The following NCAM2 variants were observed in gnomAD, a reference collection of about 807,000 sequenced individuals.
NCAM2 encodes the protein neural cell adhesion molecule 2.
NCAM2 carries 30 observed loss-of-function variants against 98.1 expected under a neutral mutation model. The observed-to-expected ratio is 0.31, with a 90% CI of 0.23 to 0.41. The LOEUF is 0.41. Ranked by LOEUF, NCAM2 falls within the 10% of genes least tolerant of loss-of-function variation. The probability of loss-of-function intolerance (pLI) is 1.00; values close to 1 mark genes in which losing one functional copy is unlikely to be tolerated. For synonymous variants in NCAM2, 368 were observed against 342.4 expected (o/e 1.07, Z -0.83); for missense variants, 867 against 1,005.8 (o/e 0.86, Z 1.87).
At chr21:21,118,023 T>A (rs2066598732) in intron 1 of NCAM2, among the ~76,000 whole-genome samples, 1 of 152,200 alleles carries the variant, frequency 6.6e-6, no homozygotes, top group African/African-American at 2.4e-5. Context: ...GGATAACTTT[T>A]CAAATCCTAA....
At chr21:21,172,913 ATTTT>A (rs977299179) in intron 1 of NCAM2, among the ~76,000 whole-genome samples, 6 of 152,112 alleles carry the variant, frequency 3.9e-5, no homozygotes, top group African/African-American at 1.4e-4. Flanking sequence ...AAAATAAAAT[ATTTT>A]TGTTTATTTC....
intron 8 of NCAM2, 100 bp downstream of exon 8, chr21:21,338,634 T>G (rs2074943956): frequency 4.1e-6 from 5 of 1,212,976 alleles, no homozygotes; most frequent in Admixed American, 3.2e-5. Flanking sequence ...CCTAGTAACT[T>G]GTAGGATCAA....
At chr21:21,112,904 G>A (rs1250044643) in intron 1 of NCAM2, among the ~76,000 whole-genome samples, 2 of 152,168 alleles carry the variant, frequency 1.3e-5, no homozygotes, top group African/African-American at 4.8e-5. Flanking sequence ...CGTAGGATTG[G>A]TAAGAATGGG....
At chr21:21,041,169 C>T (rs1226685987) in intron 1 of NCAM2, among the ~76,000 whole-genome samples, 2 of 152,086 alleles carry the variant, frequency 1.3e-5, no homozygotes, top group Non-Finnish European at 2.9e-5. Context: ...GGTAAATTCA[C>T]ATTTACAAAG....
intron 1 of NCAM2, among the ~76,000 whole-genome samples, chr21:21,224,912 G>A (rs765577390): frequency 8.7e-4 from 133 of 152,188 alleles, no homozygotes; most frequent in Non-Finnish European, 5.1e-4. Flanking sequence ...TATTAGAATG[G>A]CATGTATGAA....
At chr21:21,015,640 T>C (rs2064292295) in intron 1 of NCAM2, among the ~76,000 whole-genome samples, 1 of 152,188 alleles carries the variant, frequency 6.6e-6, no homozygotes, top group Admixed American at 6.5e-5. Flanking sequence ...TGCTTTATTG[T>C]ATTCTGGACT....
At chr21:21,506,118 G>T (rs556768245) in intron 15 of NCAM2, among the ~76,000 whole-genome samples, 11 of 152,146 alleles carry the variant, frequency 7.2e-5, no homozygotes, top group Non-Finnish European at 1.5e-4. Flanking sequence ...AGGATTTATT[G>T]CCTAGAACTA....
At chr21:21,373,067 A>G (rs1487911601) in intron 8 of NCAM2, among the ~76,000 whole-genome samples, 1 of 151,864 alleles carries the variant, frequency 6.6e-6, no homozygotes, top group African/African-American at 2.4e-5. Context: ...CTCATAGTAA[A>G]TAATAGCTGA....
At chr21:21,216,180 G>A (rs1442546539) in intron 1 of NCAM2, among the ~76,000 whole-genome samples, 1 of 152,112 alleles carries the variant, frequency 6.6e-6, no homozygotes, top group Non-Finnish European at 1.5e-5. Context: ...TGGGCAACAG[G>A]AAAATATCAG....
chr21:21,469,333 G>A (rs900586599), intron 14 of NCAM2, among the ~76,000 whole-genome samples: 1 of 151,618 alleles, frequency 6.6e-6, no homozygotes, highest in East Asian at 2.0e-4. Flanking sequence ...AGAGGTTAGA[G>A]GTAAACAATG....
intron 8 of NCAM2, among the ~76,000 whole-genome samples, chr21:21,355,722 T>C (rs1279671043): frequency 6.6e-6 from 1 of 151,636 alleles, no homozygotes; most frequent in African/African-American, 2.4e-5. Context: ...TTCAAATGAT[T>C]CTCCTGACAT....
At chr21:21,426,714 C>G (rs764172090) in intron 11 of NCAM2, among the ~76,000 whole-genome samples, 33 of 152,136 alleles carry the variant, frequency 2.2e-4, no homozygotes, top group Non-Finnish European at 4.4e-4. Context: ...TGCAGAGCCT[C>G]TTGTCCATGC....
chr21:21,305,732 T>G (rs750773167), intron 5 of NCAM2, among the ~76,000 whole-genome samples: 4 of 152,116 alleles, frequency 2.6e-5, no homozygotes, highest in Non-Finnish European at 5.9e-5. Flanking sequence ...GTTTTTCCTT[T>G]TCCTATTTTA....
intron 15 of NCAM2, among the ~76,000 whole-genome samples, chr21:21,490,759 C>A (rs1020852410): frequency 6.6e-6 from 1 of 151,546 alleles, no homozygotes; most frequent in African/African-American, 2.4e-5. Context: ...TAAAGTACTT[C>A]TGATCATTTA....
At chr21:21,499,210 C>G (rs1329376624) in intron 15 of NCAM2, among the ~76,000 whole-genome samples, 3 of 152,130 alleles carry the variant, frequency 2.0e-5, no homozygotes, top group African/African-American at 7.2e-5. Context: ...AGCCTTAAGC[C>G]TTAATGAAGA....
At chr21:21,019,872 C>T (rs768441474) in intron 1 of NCAM2, among the ~76,000 whole-genome samples, 19 of 152,080 alleles carry the variant, frequency 1.2e-4, no homozygotes, top group Non-Finnish European at 2.6e-4. Flanking sequence ...TGTCTAGATC[C>T]TTTCTGCTTC....
intron 5 of NCAM2, among the ~76,000 whole-genome samples, chr21:21,306,545 T>C (rs1410568021): frequency 1.3e-5 from 2 of 152,118 alleles, no homozygotes; most frequent in Non-Finnish European, 2.9e-5. Context: ...TTCTTTTAAT[T>C]TTAACATATT....
intron 8 of NCAM2, among the ~76,000 whole-genome samples, chr21:21,370,081 G>GC (rs934111092): frequency 1.3e-5 from 2 of 151,518 alleles, no homozygotes; most frequent in Non-Finnish European, 3.0e-5. Flanking sequence ...TTTTGCAATT[G>GC]CCCCCTAAAA....
intron 15 of NCAM2, among the ~76,000 whole-genome samples, chr21:21,489,870 A>G (rs1219370858): frequency 6.6e-6 from 1 of 152,118 alleles, no homozygotes; most frequent in Non-Finnish European, 1.5e-5. Flanking sequence ...TACCATATAA[A>G]TTGGAGTATT....
Sources: allele counts gnomAD v4.1 joint callset (sites outside exome capture counted in the v4.1 genomes callset), GRCh38; gene constraint gnomAD v4.1.1; transcripts MANE v1.5; gene names NCBI Gene and HGNC (gene_info 2026-07-23, HGNC 2026-07-21).